Variants in TRPC4 observed in about 807,000 individuals in gnomAD.
The protein encoded by TRPC4 is short transient receptor potential channel 4.
TRPC4 carries 49 observed loss-of-function variants against 99.4 expected under a neutral mutation model. The observed-to-expected ratio is 0.49, with a 90% CI of 0.39 to 0.63. The LOEUF (loss-of-function observed/expected upper bound fraction) is 0.63, where lower values mean the gene tolerates loss of function less well. Ranked by LOEUF, TRPC4 falls within the 20% of genes least tolerant of loss-of-function variation. The pLI is 0.00. For synonymous variants in TRPC4, 454 were observed against 425.9 expected (o/e 1.07, Z -0.81); for missense variants, 898 against 1,152.9 (o/e 0.78, Z 3.20).
At chr13:37,694,855 T>C (rs1366912698) in intron 3 of TRPC4, among the ~76,000 whole-genome samples, 3 of 152,186 alleles carry the variant, frequency 2.0e-5, no homozygotes, top group East Asian at 1.9e-4. Context: ...GATCCAATCA[T>C]AGGATTGAAA....
intron 1 of TRPC4, among the ~76,000 whole-genome samples, chr13:37,792,588 A>C (rs981867633): frequency 4.6e-5 from 7 of 152,164 alleles, no homozygotes; most frequent in Non-Finnish European, 8.8e-5. Context: ...CATTTTACAA[A>C]TAAGCATTAA....
At chr13:37,764,130 ACAAGGCC>A (rs1956295078) in intron 2 of TRPC4, among the ~76,000 whole-genome samples, 1 of 151,522 alleles carries the variant, frequency 6.6e-6, no homozygotes, top group African/African-American at 2.4e-5. Context: ...CTGAGTATGA[ACAAGGCC>A]CAGTGGTGTG....
At chr13:37,721,873 G>A (rs938286520) in intron 3 of TRPC4, among the ~76,000 whole-genome samples, 1 of 152,084 alleles carries the variant, frequency 6.6e-6, no homozygotes, top group African/African-American at 2.4e-5. Context: ...CTGGGCTCAT[G>A]TGATCCTCCC....
intron 1 of TRPC4, among the ~76,000 whole-genome samples, chr13:37,840,941 T>C (rs546376553): frequency 1.3e-5 from 2 of 152,086 alleles, no homozygotes; most frequent in South Asian, 4.1e-4. Context: ...AATGGTATTA[T>C]TTTTGCTATT....
At chr13:37,832,516 G>A (rs1958450651) in intron 1 of TRPC4, among the ~76,000 whole-genome samples, 1 of 152,122 alleles carries the variant, frequency 6.6e-6, no homozygotes, top group African/African-American at 2.4e-5. Context: ...TCCAGCCTAG[G>A]TGACAGAGCA....
At chr13:37,649,306 C>T (rs1267051310) in intron 8 of TRPC4, among the ~76,000 whole-genome samples, 5 of 152,112 alleles carry the variant, frequency 3.3e-5, no homozygotes, top group African/African-American at 1.2e-4. Context: ...CATAACATAT[C>T]TGTTTTTATT....
intron 8 of TRPC4, among the ~76,000 whole-genome samples, chr13:37,647,841 A>C (rs183806224): frequency 1.3e-5 from 2 of 152,338 alleles, no homozygotes; most frequent in East Asian, 3.9e-4. Context: ...AGTTGAAATA[A>C]ATTCACAGAA....
intron 5 of TRPC4, 138 bp from the exon 6 acceptor site, chr13:37,663,867 G>C: frequency 1.4e-6 from 1 of 719,858 alleles, no homozygotes; most frequent in Admixed American, 3.0e-5. Context: ...GAACACACTT[G>C]CCAATTCTAG....
chr13:37,807,777 A>T (rs1489534424), intron 1 of TRPC4, among the ~76,000 whole-genome samples: 2 of 152,132 alleles, frequency 1.3e-5, no homozygotes, highest in Non-Finnish European at 2.9e-5. Flanking sequence ...GAAATAAATG[A>T]CAAATTGTTT....
At chr13:37,776,817 C>T (rs1484242207) in intron 2 of TRPC4, among the ~76,000 whole-genome samples, 1 of 151,844 alleles carries the variant, frequency 6.6e-6, no homozygotes, top group African/African-American at 2.4e-5. Context: ...TTGAAACAGC[C>T]AGTAAGTGGA....
chr13:37,636,987 T>C lies in TRPC4; in HGVS notation c.2850A>G (p.Ala950=), dbSNP rs776068724. The C allele has an allele frequency of 1.7e-5, 27 of 1,613,680 alleles. No individual in the cohort carries two copies. Among genetic ancestry groups the C allele is most frequent in the African/African-American group, 2.7e-5 (2 of 74,912 alleles). ...TVPIIPKEKH[A]KEEDSSIDYD... is the part of the protein sequence containing the mutation. ...AGTCTATACTAGAGTCCTCTTCTTTTGCATGTTTCTCCTTTGGTATTATAG... is the reference window on the plus strand; with the variant it reads ...AGTCTATACTAGAGTCCTCTTCTTTCGCATGTTTCTCCTTTGGTATTATAG... Residue 950 remains alanine, a synonymous_variant, in exon 11 of 11, where the codon GCA becomes GCG. Coordinates refer to ENST00000379705, the MANE Select transcript of TRPC4 (RefSeq NM_016179.4).
rs1956552542 is a variant in TRPC4, at chr13:37,771,623, T to C, written c.378+11333A>G. Among the ~76,000 whole-genome samples the C allele has an allele frequency of 2.6e-5, 4 of 151,222 alleles. No individual in the cohort carries two copies. The Admixed American group carries it at 2.7e-4, about 10-fold the overall frequency. On this transcript the variant is annotated intron_variant, in intron 2 of 10. Transcript: ENST00000379705. ...AAAGAAAGCAGATATAAAGAACAAGTTTTGATTGGTAAGATTCATTTTATA... is the reference window on the plus strand; with the variant it reads ...AAAGAAAGCAGATATAAAGAACAAGCTTTGATTGGTAAGATTCATTTTATA...
chr13:37,745,940 T>C lies in TRPC4; in HGVS notation c.894A>G (p.Lys298=). 1 of 1,610,108 alleles carries C rather than the reference T, an allele frequency of 6.2e-7. No individual in the cohort carries two copies. The highest frequency in any genetic ancestry group is 2.2e-5 in the East Asian group (1 of 44,800). ...RLKLAIKYRQ[K]EFVAQPNCQQ... ...GATCAAGTCTGGCAACACTCACCTCTTTTTGACGGTACTTAATGGCCAATT... is the reference window on the plus strand; with the variant it reads ...GATCAAGTCTGGCAACACTCACCTCCTTTTGACGGTACTTAATGGCCAATT... The change falls in exon 3 of 11, where the codon AAA becomes AAG. Residue 298 remains lysine (K), a synonymous_variant. Coordinates refer to ENST00000379705, the MANE Select transcript of TRPC4 (RefSeq NM_016179.4).
At chr13:37,860,503 C>T (rs1415322228) in intron 1 of TRPC4, among the ~76,000 whole-genome samples, 1 of 151,376 alleles carries the variant, frequency 6.6e-6, no homozygotes, top group Non-Finnish European at 1.5e-5. Context: ...TTAAGCCTTT[C>T]TTCATATAAA....
chr13:37,777,193 T>A (rs1158302500), intron 2 of TRPC4, among the ~76,000 whole-genome samples: 4 of 151,990 alleles, frequency 2.6e-5, no homozygotes, highest in Non-Finnish European at 5.9e-5. Context: ...TAGTCCATTC[T>A]CACATTGATA....
At position 37,692,947 on chromosome 13, in the gene TRPC4, C is replaced by T. The variant is rs1055616510; in HGVS notation, c.898-612G>A. ...GAATGTTAATCATCATAGCTTAATT[C>T]GGTATAAACAATGCAAACACCTTAC... On this transcript the variant is annotated intron_variant, in intron 3 of 10. Coordinates refer to ENST00000379705, the MANE Select transcript of TRPC4 (RefSeq NM_016179.4). 3.3e-5 allele frequency among the ~76,000 whole-genome samples: 5 copies of T among 152,196 alleles called. No homozygotes were observed. In the East Asian group the frequency reaches 7.7e-4, roughly 24 times the overall value.
chr13:37,828,151 C>T (rs999683229), intron 1 of TRPC4, among the ~76,000 whole-genome samples: 3 of 152,192 alleles, frequency 2.0e-5, no homozygotes, highest in African/African-American at 7.2e-5. Flanking sequence ...TGCGAGCACC[C>T]ACTGACCTGC....
At chr13:37,844,584 T>C (rs1364963687) in intron 1 of TRPC4, among the ~76,000 whole-genome samples, 4 of 152,162 alleles carry the variant, frequency 2.6e-5, no homozygotes, top group African/African-American at 9.7e-5. Context: ...TGTGAGCCAC[T>C]GCTCCACGCC....
chr13:37,840,776 CA>C (rs1958710103), intron 1 of TRPC4, among the ~76,000 whole-genome samples: 1 of 151,868 alleles, frequency 6.6e-6, no homozygotes. Flanking sequence ...GTTCAGCCAC[CA>C]AAAGTTGGCC....
Sources: gnomAD v4.1 joint callset for allele counts (sites outside exome capture counted in the v4.1 genomes callset) on GRCh38, gnomAD v4.1.1 for gene constraint, MANE v1.5 for transcripts, NCBI Gene and HGNC (gene_info 2026-07-23, HGNC 2026-07-21) for gene names.